Variants in CHIA observed in about 807,000 individuals in gnomAD.
The protein encoded by CHIA is acidic mammalian chitinase.
CHIA carries 47 observed loss-of-function variants against 53.5 expected under a neutral mutation model. The observed-to-expected ratio is 0.88, with a 90% CI of 0.70 to 1.12. The LOEUF is 1.12. Among genes scored for constraint, CHIA ranks in the 50% most tolerant of loss-of-function variants. The pLI is 0.00. For missense variants in CHIA, 652 were observed against 592.2 expected (o/e 1.10, Z -1.05); for synonymous variants, 268 against 222.2 (o/e 1.21, Z -1.83).
chr1:111,297,331 T>G (rs1647252507), intron 1 of CHIA, among the ~76,000 whole-genome samples: 1 of 152,128 alleles, frequency 6.6e-6, no homozygotes, highest in Non-Finnish European at 1.5e-5. Flanking sequence ...GAGAGAAAGG[T>G]CGGGTTACCC....
intron 1 of CHIA, among the ~76,000 whole-genome samples, chr1:111,305,474 C>T (rs1648106480): frequency 6.6e-6 from 1 of 152,180 alleles, no homozygotes; most frequent in Non-Finnish European, 1.5e-5. Flanking sequence ...CCCACCCTGG[C>T]TCCCACAAGC....
At chr1:111,301,603 G>A (rs1301707264) in intron 1 of CHIA, among the ~76,000 whole-genome samples, 1 of 151,196 alleles carries the variant, frequency 6.6e-6, no homozygotes, top group Non-Finnish European at 1.5e-5. Flanking sequence ...TCGGGAGGCT[G>A]AGGCCAGGGA....
intron 1 of CHIA, among the ~76,000 whole-genome samples, chr1:111,299,518 G>A (rs1425324949): frequency 6.6e-6 from 1 of 152,060 alleles, no homozygotes; most frequent in Non-Finnish European, 1.5e-5. Context: ...TGCAGAAAAG[G>A]CCTTCCACAA....
Position 111,312,373 on chromosome 1 carries a change from T to G in CHIA, c.239T>G (p.Phe80Cys). 1.2e-6 allele frequency: 2 copies of G among 1,614,028 alleles called. No individual in the cohort carries two copies. Among genetic ancestry groups the G allele is most frequent in the Non-Finnish European group, 1.7e-6 (2 of 1,179,892 alleles). Reference sequence around the variant, plus strand: ...AATGATGTGACTCTCTACCAAGCTTTCAATGGCCTGAAAAATAAGTAGGAT... The same window carrying G: ...AATGATGTGACTCTCTACCAAGCTTGCAATGGCCTGAAAAATAAGTAGGAT... The part of the protein sequence containing the change: ...EWNDVTLYQA[F>C]NGLKNKNSQL... The change falls in exon 4 of 12, where the codon TTC (phenylalanine) becomes TGC (cysteine). Residue 80 changes from phenylalanine (F) to cysteine (C), a missense_variant. By Grantham distance (205) the Phe-to-Cys change is radical. Coordinates refer to ENST00000369740, the MANE Select transcript of CHIA (RefSeq NM_201653.4).
At chr1:111,296,010 G>A (rs1219923510) in intron 1 of CHIA, among the ~76,000 whole-genome samples, 1 of 152,228 alleles carries the variant, frequency 6.6e-6, no homozygotes, top group African/African-American at 2.4e-5. Flanking sequence ...GCAGGAGGAG[G>A]GGCATCCACC....
chr1:111,312,089 A>T, intron 3 of CHIA, 101 bp from the exon 4 acceptor site: 1 of 874,404 alleles, frequency 1.1e-6, no homozygotes, highest in South Asian at 1.4e-5. Context: ...GAGATCAGGC[A>T]TCTGAGGCAC....
At chr1:111,315,192 A>G (rs1649050551) in intron 5 of CHIA, 78 bp from the exon 6 acceptor site, 1 of 1,055,716 alleles carries the variant, frequency 9.5e-7, no homozygotes, top group African/African-American at 1.6e-5. Flanking sequence ...GCTCTGAGGC[A>G]GGAATTGAGA....
At chr1:111,306,382 C>A (rs1459002155) in intron 1 of CHIA, among the ~76,000 whole-genome samples, 1 of 152,044 alleles carries the variant, frequency 6.6e-6, no homozygotes, top group Non-Finnish European at 1.5e-5. Flanking sequence ...TAAAATTATG[C>A]TGGGGCAAGT....
chr1:111,312,642 T>C (rs990489238), intron 4 of CHIA, among the ~76,000 whole-genome samples: 3 of 152,194 alleles, frequency 2.0e-5, no homozygotes, highest in African/African-American at 7.2e-5. Flanking sequence ...ACTTAATGTT[T>C]TTTGTGGTGA....
At chr1:111,317,088 T>C (rs2101650077) in intron 6 of CHIA, 1 of 152,950 alleles carries the variant, frequency 6.5e-6, no homozygotes, top group Non-Finnish European at 1.5e-5. Flanking sequence ...AATAACCGCA[T>C]GACAATTTTC....
intron 1 of CHIA, among the ~76,000 whole-genome samples, chr1:111,297,711 A>C (rs1329139058): frequency 6.6e-6 from 1 of 152,112 alleles, no homozygotes; most frequent in East Asian, 1.9e-4. Flanking sequence ...ACAGCATCAA[A>C]TTCACACATA....
chr1:111,294,332 T>A (rs754269700), intron 1 of CHIA, among the ~76,000 whole-genome samples: 35 of 152,218 alleles, frequency 2.3e-4, no homozygotes, highest in Non-Finnish European at 4.0e-4. Context: ...GTAAATGAAA[T>A]TATTTTTATA....
At chr1:111,312,099 C>A in intron 3 of CHIA, 91 bp from the exon 4 acceptor site, 1 of 961,714 alleles carries the variant, frequency 1.0e-6, no homozygotes, top group Non-Finnish European at 1.7e-6. Flanking sequence ...ATCTGAGGCA[C>A]AGGGAGGGAA....
At position 111,297,219 on chromosome 1, in the gene CHIA, A is replaced by G. The variant is rs570989877; in HGVS notation, c.-69+6269A>G. On this transcript the variant is annotated intron_variant, in intron 1 of 11. Coordinates refer to ENST00000369740, the MANE Select transcript of CHIA (RefSeq NM_201653.4). ...GCCAACATTCAAATTCAGGAAATAC[A>G]GAGAACACCACAAAGATCCTCCTAG... Among the ~76,000 whole-genome samples the G allele has an allele frequency of 8.5e-5, 13 of 152,336 alleles. No homozygotes were observed. The South Asian group carries it at 2.5e-3, about 29-fold the overall frequency.
intron 2 of CHIA, 25 bp from the exon 3 acceptor site, chr1:111,311,664 G>A (rs145081897): frequency 4.0e-5 from 65 of 1,613,834 alleles, no homozygotes; most frequent in Non-Finnish European, 5.2e-5. Flanking sequence ...TCGGTTCAAA[G>A]TACATGCTTT....
chr1:111,299,108 C>T (rs1647482627), intron 1 of CHIA, among the ~76,000 whole-genome samples: 1 of 152,178 alleles, frequency 6.6e-6, no homozygotes. Flanking sequence ...AGCCTACCAA[C>T]CAGAAAAAGG....
intron 9 of CHIA, 137 bp from the exon 10 acceptor site, chr1:111,318,983 C>T: frequency 7.9e-7 from 1 of 1,257,884 alleles, no homozygotes; most frequent in East Asian, 2.5e-5. Flanking sequence ...ACTTGATCCT[C>T]TTTACTACAA....
At chr1:111,310,305 G>T in intron 1 of CHIA, 95 bp from the exon 2 acceptor site, 1 of 1,397,932 alleles carries the variant, frequency 7.2e-7, no homozygotes, top group Non-Finnish European at 9.4e-7. Context: ...GGAGGGTGTA[G>T]GTTGAAGGTC....
At chr1:111,312,133 A>C (rs4423003) in intron 3 of CHIA, 57 bp from the exon 4 acceptor site, 1,424,978 of 1,436,970 alleles carry the variant, frequency 0.99, 707,229 homozygotes, top group South Asian at 1. Flanking sequence ...CAAAACTCAC[A>C]GCACACTTCA....
Sources: allele counts gnomAD v4.1 joint callset (sites outside exome capture counted in the v4.1 genomes callset), GRCh38; gene constraint gnomAD v4.1.1; transcripts MANE v1.5; gene names NCBI Gene and HGNC (gene_info 2026-07-23, HGNC 2026-07-21).